Variants in CDC123 observed in about 807,000 individuals in gnomAD.
CDC123 encodes the protein translation initiation factor eIF2 assembly protein.
A neutral mutation model predicts 54.4 loss-of-function variants in CDC123; 37 were observed. The observed-to-expected ratio is 0.68, with a 90% CI of 0.52 to 0.89. CDC123 has a LOEUF of 0.89. Among genes scored for constraint, CDC123 ranks in the 40% least tolerant of loss-of-function variants. The pLI is 0.00. For missense variants in CDC123, 361 were observed against 412.1 expected (o/e 0.88, Z 1.07); for synonymous variants, 144 against 136.8 (o/e 1.05, Z -0.37).
chr10:12,242,157 G>A (rs564584102), intron 10 of CDC123, among the ~76,000 whole-genome samples: 106 of 152,268 alleles, frequency 7.0e-4, no homozygotes, highest in African/African-American at 2.1e-3. Context: ...CGCAACAGGC[G>A]GTCGTGGCGT....
chr10:12,210,083 G>GA lies in CDC123; in HGVS notation c.204+60dup. ...CTGTTGTAATTTAAATGATCTCTGAGATGGTTCTGACTTGTAGATCTTATC... is the reference window on the plus strand; with the variant it reads ...CTGTTGTAATTTAAATGATCTCTGAGAATGGTTCTGACTTGTAGATCTTATC... On this transcript the variant is annotated intron_variant, in intron 3 of 12. Transcript: ENST00000281141. 5.7e-6 allele frequency: 9 copies of GA among 1,565,590 alleles called. No homozygotes were observed. In the South Asian group the frequency reaches 1.0e-4, roughly 17 times the overall value.
At position 12,238,106 on chromosome 10, in the gene CDC123, A is replaced by G. The variant is rs113313811; in HGVS notation, c.689-351A>G. 1.9e-3 allele frequency among the ~76,000 whole-genome samples: 294 copies of G among 152,288 alleles called. 3 individuals carry two copies. Among genetic ancestry groups the G allele is most frequent in the African/African-American group, 6.8e-3 (283 of 41,548 alleles). On this transcript the variant is annotated intron_variant, in intron 9 of 12. Coordinates refer to ENST00000281141, the MANE Select transcript of CDC123 (RefSeq NM_006023.3). ...TTATAAGCTTTACTCATTGCATTCT[A>G]CCAGATCAGTGATTGATGCCCGTTT...
intron 8 of CDC123, among the ~76,000 whole-genome samples, chr10:12,235,369 T>TA (rs1835965523): frequency 6.6e-6 from 1 of 152,152 alleles, no homozygotes; most frequent in Non-Finnish European, 1.5e-5. Flanking sequence ...ATTCCAGAGA[T>TA]AAAAATGGTG....
intron 7 of CDC123, among the ~76,000 whole-genome samples, chr10:12,233,903 A>T (rs1359062866): frequency 1.3e-5 from 2 of 151,968 alleles, no homozygotes; most frequent in Non-Finnish European, 2.9e-5. Context: ...TATTAATTAC[A>T]GTAATAAGAC....
At chr10:12,238,819 A>G (rs150367085) in intron 10 of CDC123, among the ~76,000 whole-genome samples, 3,032 of 152,220 alleles carry the variant, frequency 0.02, 95 homozygotes, top group African/African-American at 0.069. Flanking sequence ...CAGGAGTTCA[A>G]GATCAGCCTC....
At chr10:12,241,094 A>G (rs912748115) in intron 10 of CDC123, among the ~76,000 whole-genome samples, 17 of 151,894 alleles carry the variant, frequency 1.1e-4, no homozygotes, top group African/African-American at 3.9e-4. Flanking sequence ...ATAGGGTTAC[A>G]CTCTTCAGGG....
chr10:12,199,083 C>A (rs1295738535), intron 2 of CDC123, among the ~76,000 whole-genome samples: 2 of 152,166 alleles, frequency 1.3e-5, no homozygotes, highest in Admixed American at 6.6e-5. Flanking sequence ...TATTAAAATT[C>A]TTTGAGATCC....
At chr10:12,234,957 C>A in intron 7 of CDC123, 91 bp from the exon 8 acceptor site, 1 of 852,704 alleles carries the variant, frequency 1.2e-6, no homozygotes, top group South Asian at 1.5e-5. Flanking sequence ...TTGATAATGG[C>A]AATCATTAAG....
rs1835676684 is a variant in CDC123, at chr10:12,217,403, A to G, written c.376A>G (p.Thr126Ala). 5 of 1,613,772 alleles carry G rather than the reference A, an allele frequency of 3.1e-6. No homozygotes were observed. The highest frequency in any genetic ancestry group is 4.2e-6 in the Non-Finnish European group (5 of 1,179,850). Residue 126 changes from threonine to alanine, a missense_variant, in exon 6 of 13, where the codon ACC becomes GCC. By Grantham distance (58) the Thr-to-Ala change is moderately conservative (BLOSUM62 0). Transcript: ENST00000281141. ...AATGAATAGTTCTCTGAAATGTAAA[A>G]CCCTCAGCGACATCTTTCTGCTTTT... Reference protein sequence around the residue: ...IAMNSSLKCKTLSDIFLLFKS... With the variant: ...IAMNSSLKCKALSDIFLLFKS...
At chr10:12,236,089 A>G (rs1038829336) in intron 8 of CDC123, among the ~76,000 whole-genome samples, 2 of 152,242 alleles carry the variant, frequency 1.3e-5, no homozygotes, top group Non-Finnish European at 2.9e-5. Context: ...GACTGCTTCT[A>G]TGCAATACAG....
intron 2 of CDC123, among the ~76,000 whole-genome samples, chr10:12,209,105 A>G (rs1235668278): frequency 6.6e-6 from 1 of 152,200 alleles, no homozygotes; most frequent in Non-Finnish European, 1.5e-5. Context: ...ACTGAGGTTC[A>G]GAGTCTAGAT....
intron 7 of CDC123, among the ~76,000 whole-genome samples, chr10:12,233,860 T>C (rs1248959883): frequency 1.3e-5 from 2 of 151,984 alleles, no homozygotes; most frequent in African/African-American, 4.8e-5. Context: ...GAGAAACTTA[T>C]TAGTATATGA....
intron 4 of CDC123, among the ~76,000 whole-genome samples, chr10:12,215,392 A>G (rs1228404421): frequency 6.6e-6 from 1 of 152,166 alleles, no homozygotes; most frequent in Admixed American, 6.5e-5. Flanking sequence ...TACAGGTGAT[A>G]TTCCACCTGT....
chr10:12,239,115 A>T (rs566151541), intron 10 of CDC123, among the ~76,000 whole-genome samples: 1 of 151,828 alleles, frequency 6.6e-6, no homozygotes, highest in Admixed American at 6.6e-5. Flanking sequence ...TGATTGCGCC[A>T]CTGCTCTCCA....
intron 1 of CDC123, among the ~76,000 whole-genome samples, chr10:12,197,797 A>G (rs1414477905): frequency 6.6e-6 from 1 of 152,148 alleles, no homozygotes; most frequent in Non-Finnish European, 1.5e-5. Context: ...TTATTTATTT[A>G]AAAATAAATA....
chr10:12,216,170 A>C (rs917896495), intron 5 of CDC123, among the ~76,000 whole-genome samples: 4 of 152,260 alleles, frequency 2.6e-5, no homozygotes, highest in Non-Finnish European at 5.9e-5. Flanking sequence ...AGTAATAAAA[A>C]TAAAAAAAGT....
rs1189245410 is a variant in CDC123, at chr10:12,250,445, G to T, written c.*108G>T. 3 of 821,068 alleles carry T rather than the reference G, an allele frequency of 3.7e-6. No homozygotes were observed. The highest frequency in any genetic ancestry group is 1.7e-5 in the African/African-American group (1 of 59,612). The allele number at this position is 821,068 out of a possible 1,614,324, so 50.9% of individuals were successfully genotyped here. ...TGATGCGGGTGGGCCGAGCAGTGTG[G>T]ACATCAGCCACTTTTTATATTCATG... On this transcript the variant is annotated 3_prime_UTR_variant, in exon 13 of 13. Transcript: ENST00000281141.
intron 11 of CDC123, 25 bp downstream of exon 11, chr10:12,246,302 A>G (rs753314976): frequency 8.7e-6 from 14 of 1,612,818 alleles, no homozygotes; most frequent in Middle Eastern, 1.6e-4. Flanking sequence ...AGACAGATAC[A>G]ATGTAAACCT....
At chr10:12,234,713 T>C (rs1269431734) in intron 7 of CDC123, among the ~76,000 whole-genome samples, 1 of 151,950 alleles carries the variant, frequency 6.6e-6, no homozygotes. Context: ...ATCAGAATAA[T>C]AGATCACAAC....
Sources: allele counts gnomAD v4.1 joint callset (sites outside exome capture counted in the v4.1 genomes callset), GRCh38; gene constraint gnomAD v4.1.1; transcripts MANE v1.5; gene names NCBI Gene and HGNC (gene_info 2026-07-23, HGNC 2026-07-21).